RALY: variants seen among roughly 807,000 people sequenced by gnomAD.
The protein encoded by RALY is RNA-binding protein Raly.
Under a neutral mutation model 30.7 loss-of-function variants are expected in RALY, and 15 were observed. That is an observed-to-expected ratio of 0.49 (90% CI 0.33 to 0.75). The LOEUF (loss-of-function observed/expected upper bound fraction) is 0.75. Among genes scored for constraint, RALY ranks in the 30% least tolerant of loss-of-function variants. The pLI is 0.02. For synonymous variants in RALY, 177 were observed against 170.8 expected (o/e 1.04, Z -0.28); for missense variants, 339 against 414.3 (o/e 0.82, Z 1.58).
intron 2 of RALY, among the ~76,000 whole-genome samples, chr20:34,035,587 C>A (rs1472145299): frequency 6.6e-6 from 1 of 152,124 alleles, no homozygotes; most frequent in Admixed American, 6.6e-5. Context: ...CCTCCTCAGC[C>A]TCTTGAGCTA....
intron 2 of RALY, among the ~76,000 whole-genome samples, chr20:34,063,067 C>T (rs939100957): frequency 4.6e-5 from 7 of 152,214 alleles, no homozygotes; most frequent in East Asian, 3.8e-4. Flanking sequence ...GCTCTGGTCT[C>T]GCACATATTC....
intron 1 of RALY, among the ~76,000 whole-genome samples, chr20:34,026,476 C>T (rs2032041803): frequency 6.6e-6 from 1 of 151,712 alleles, no homozygotes; most frequent in Non-Finnish European, 1.5e-5. Context: ...GTTCTCGGCT[C>T]ACTGCAAGCT....
intron 2 of RALY, among the ~76,000 whole-genome samples, chr20:34,061,855 G>A (rs1286783309): frequency 1.3e-5 from 2 of 152,186 alleles, no homozygotes; most frequent in Non-Finnish European, 2.9e-5. Flanking sequence ...GGCATGTTCT[G>A]TGTAAGGAGC....
chr20:34,034,813 A>G (rs2032417029), intron 2 of RALY, among the ~76,000 whole-genome samples: 1 of 152,200 alleles, frequency 6.6e-6, no homozygotes, highest in African/African-American at 2.4e-5. Flanking sequence ...TCTAGGGGTG[A>G]GAGCTGAAAG....
At chr20:34,060,337 A>G (rs1245113416) in intron 2 of RALY, among the ~76,000 whole-genome samples, 3 of 152,190 alleles carry the variant, frequency 2.0e-5, no homozygotes, top group South Asian at 4.1e-4. Context: ...TTCAAAGGAA[A>G]CGCTCATTGG....
At chr20:34,009,769 T>G (rs934929292) in intron 1 of RALY, among the ~76,000 whole-genome samples, 1 of 152,206 alleles carries the variant, frequency 6.6e-6, no homozygotes, top group African/African-American at 2.4e-5. Context: ...TGTTCTCAAG[T>G]TTGTCAAAGC....
intron 2 of RALY, among the ~76,000 whole-genome samples, chr20:34,034,298 TA>T (rs2123108860): frequency 6.6e-6 from 1 of 152,326 alleles, no homozygotes; most frequent in South Asian, 2.1e-4. Context: ...CACTGTGTTT[TA>T]ACAATGGACA....
At chr20:33,997,437 C>G (rs999377909) in intron 1 of RALY, among the ~76,000 whole-genome samples, 1 of 152,112 alleles carries the variant, frequency 6.6e-6, no homozygotes, top group Non-Finnish European at 1.5e-5. Context: ...AAAATAGAAC[C>G]GAGATAACTC....
intron 2 of RALY, among the ~76,000 whole-genome samples, chr20:34,059,640 C>A (rs935756481): frequency 5.9e-5 from 9 of 152,182 alleles, no homozygotes; most frequent in African/African-American, 2.2e-4. Context: ...AAGGAGAAAT[C>A]CAAAGCTAAT....
chr20:34,042,105 C>T (rs937730887), intron 2 of RALY, among the ~76,000 whole-genome samples: 8 of 152,036 alleles, frequency 5.3e-5, no homozygotes, highest in Admixed American at 4.6e-4. Context: ...GGCAACAGAG[C>T]GAGATGCCGT....
At chr20:34,071,718 C>T (rs965837004) in intron 2 of RALY, among the ~76,000 whole-genome samples, 1 of 152,122 alleles carries the variant, frequency 6.6e-6, no homozygotes, top group Non-Finnish European at 1.5e-5. Context: ...GGAGTAGACT[C>T]AAAAGAATTA....
intron 1 of RALY, among the ~76,000 whole-genome samples, chr20:34,003,307 A>T (rs139298982): frequency 4.7e-4 from 72 of 152,218 alleles, no homozygotes; most frequent in African/African-American, 1.7e-3. Context: ...TCACAATGGT[A>T]TTGTGAGGAG....
intron 2 of RALY, among the ~76,000 whole-genome samples, chr20:34,048,903 C>T (rs566818914): frequency 6.6e-6 from 1 of 151,402 alleles, no homozygotes; most frequent in Non-Finnish European, 1.5e-5. Context: ...ATTTCTACAC[C>T]CAGTGTTTCA....
At chr20:34,038,301 G>A (rs1883524) in intron 2 of RALY, among the ~76,000 whole-genome samples, 94,190 of 151,946 alleles carry the variant, frequency 0.62, 30,557 homozygotes, top group South Asian at 0.85. Context: ...ACAGGGTCCT[G>A]AGCCTGAGAA....
intron 1 of RALY, among the ~76,000 whole-genome samples, chr20:34,014,581 T>C (rs1305902372): frequency 6.6e-6 from 1 of 152,210 alleles, no homozygotes; most frequent in Admixed American, 6.5e-5. Context: ...ACTGGAGTTG[T>C]TGTCAAGTAT....
rs374081764 is a variant in RALY, at chr20:34,076,777, G to A, written c.620G>A (p.Arg207His). 559 of 1,614,000 alleles carry A rather than the reference G, an allele frequency of 3.5e-4. No homozygotes were observed. The highest frequency in any genetic ancestry group is 4.6e-4 in the Non-Finnish European group (539 of 1,180,040). ...IKSNIDALLS[R>H]LEQIAAEQKA... Reference sequence around the variant, plus strand: ...TCCAATATCGATGCCCTGCTGAGCCGCTTGGAGCAGATCGCTGCGGAGCAA... The same window carrying A: ...TCCAATATCGATGCCCTGCTGAGCCACTTGGAGCAGATCGCTGCGGAGCAA... The change falls in exon 7 of 10, where the codon CGC (arginine) becomes CAC (histidine). Residue 207 changes from arginine (R) to histidine (H), a missense_variant. Physicochemically the swap from Arg to His is conservative, Grantham distance 29. Coordinates refer to ENST00000246194, the MANE Select transcript of RALY (RefSeq NM_016732.3).
chr20:34,075,864 G>T lies in RALY; in HGVS notation c.378-10G>T, dbSNP rs1157235669. The T allele has an allele frequency of 6.2e-7, 1 of 1,609,352 alleles. No individual in the cohort carries two copies. The highest frequency in any genetic ancestry group is 8.5e-7 in the Non-Finnish European group (1 of 1,176,700). ...CCATGCTGCAGCCTCTGGCCCATCT[G>T]CCCTCACAGGCTCTTCGACTACCGG... On this transcript the variant is annotated splice_polypyrimidine_tract_variant and intron_variant, in intron 5 of 9. Coordinates refer to ENST00000246194, the MANE Select transcript of RALY (RefSeq NM_016732.3).
chr20:34,018,278 G>A (rs2031683111), intron 1 of RALY, among the ~76,000 whole-genome samples: 1 of 152,220 alleles, frequency 6.6e-6, no homozygotes, highest in South Asian at 2.1e-4. Flanking sequence ...AGTACCAACT[G>A]AAACTTATTT....
chr20:34,006,728 A>C (rs1488106052), intron 1 of RALY, among the ~76,000 whole-genome samples: 1 of 152,178 alleles, frequency 6.6e-6, no homozygotes, highest in East Asian at 1.9e-4. Context: ...CATGCTGTAT[A>C]GGTTTGTAGC....
Sources: allele counts gnomAD v4.1 joint callset (sites outside exome capture counted in the v4.1 genomes callset), GRCh38; gene constraint gnomAD v4.1.1; transcripts MANE v1.5; gene names NCBI Gene and HGNC (gene_info 2026-07-23, HGNC 2026-07-21).